The following ZC3H12B variants were observed in gnomAD, a reference collection of about 807,000 sequenced individuals.
ZC3H12B encodes the protein zinc finger CCCH-type containing 12B.
A neutral mutation model predicts 43.9 loss-of-function variants in ZC3H12B; 7 were observed. The observed-to-expected ratio is 0.16, with a 90% CI of 0.09 to 0.30. ZC3H12B has a LOEUF of 0.30. Among genes scored for constraint, ZC3H12B ranks in the 10% least tolerant of loss-of-function variants. The pLI is 1.00. For missense variants in ZC3H12B, 475 were observed against 670.2 expected (o/e 0.71, Z 3.22); for synonymous variants, 222 against 241.7 (o/e 0.92, Z 0.76).
the ZC3H12B span, among the ~76,000 whole-genome samples, chrX:65,278,128 G>A: frequency 1.8e-5 from 2 of 111,712 alleles, no homozygotes; most frequent in Non-Finnish European, 3.8e-5. Context: ...ATACAAAAGA[G>A]TATTGAAGAC....
the ZC3H12B span, among the ~76,000 whole-genome samples, chrX:65,228,547 G>A: frequency 9.0e-6 from 1 of 110,854 alleles, no homozygotes. Context: ...AATTAGGCAG[G>A]AGAAGGAAAT....
intron 1 of ZC3H12B, among the ~76,000 whole-genome samples, chrX:65,367,179 T>C (rs751328026): frequency 7.1e-5 from 8 of 111,986 alleles, no homozygotes; most frequent in Non-Finnish European, 1.5e-4. Flanking sequence ...ATTGCATCTA[T>C]AAATCATTAA....
At chrX:65,325,334 T>A in the ZC3H12B span, among the ~76,000 whole-genome samples, 5 of 111,555 alleles carry the variant, frequency 4.5e-5, no homozygotes, top group African/African-American at 1.6e-4. Context: ...GATGTCATGA[T>A]CTTATGTGGA....
chrX:65,148,243 G>A, the ZC3H12B span, among the ~76,000 whole-genome samples: 1 of 111,224 alleles, frequency 9.0e-6, no homozygotes, highest in Non-Finnish European at 1.9e-5. Flanking sequence ...CTGGCTCTTT[G>A]CTGATCTGAA....
At chrX:65,359,806 G>C in the ZC3H12B span, among the ~76,000 whole-genome samples, 1 of 112,288 alleles carries the variant, frequency 8.9e-6, no homozygotes, top group Non-Finnish European at 1.9e-5. Context: ...GGTGGGGTTT[G>C]AGAACATAGA....
At chrX:65,248,796 G>A in the ZC3H12B span, among the ~76,000 whole-genome samples, 7 of 111,458 alleles carry the variant, frequency 6.3e-5, no homozygotes, top group African/African-American at 9.8e-5. Flanking sequence ...AGGTGGTATC[G>A]CATTGTGGTT....
chrX:65,458,034 T>A (rs1176558991), intron 3 of ZC3H12B, among the ~76,000 whole-genome samples: 1 of 44,619 alleles, frequency 2.2e-5, no homozygotes, highest in East Asian at 7.7e-4. Context: ...CAAATCCCCC[T>A]CTGCGAGAAA....
chrX:65,170,578 C>T, the ZC3H12B span, among the ~76,000 whole-genome samples: 2 of 111,592 alleles, frequency 1.8e-5, no homozygotes, highest in African/African-American at 6.5e-5. Flanking sequence ...TGAATGTTGG[C>T]CTGCCTTTCT....
the ZC3H12B span, among the ~76,000 whole-genome samples, chrX:65,320,565 G>A: frequency 8.9e-6 from 1 of 111,836 alleles, no homozygotes; most frequent in Non-Finnish European, 1.9e-5. Context: ...AATTTGTGTG[G>A]AACCAAAAAA....
the ZC3H12B span, among the ~76,000 whole-genome samples, chrX:65,170,384 A>C: frequency 8.9e-6 from 1 of 111,875 alleles, no homozygotes; most frequent in Admixed American, 9.5e-5. Flanking sequence ...TGGCTTTTAG[A>C]GTTTCTGCCG....
At chrX:65,285,076 T>C in the ZC3H12B span, among the ~76,000 whole-genome samples, 5 of 110,142 alleles carry the variant, frequency 4.5e-5, no homozygotes, top group Admixed American at 4.8e-4. Flanking sequence ...AATAAAATAA[T>C]AGAAGAAAAC....
chrX:65,502,125 C>G (rs781419182), exon 5 of ZC3H12B: 1 of 1,209,375 alleles, frequency 8.3e-7, no homozygotes, highest in Non-Finnish European at 1.1e-6. Context: ...ACAATCCCAC[C>G]CCCCAAAAGC....
At chrX:65,381,311 G>A (rs1346240164) in intron 2 of ZC3H12B, among the ~76,000 whole-genome samples, 1 of 111,170 alleles carries the variant, frequency 9.0e-6, no homozygotes, top group Admixed American at 9.6e-5. Flanking sequence ...ACTCAAAACC[G>A]CTCAACTACA....
chrX:65,428,483 C>A (rs1250950031), intron 3 of ZC3H12B, among the ~76,000 whole-genome samples: 1 of 112,235 alleles, frequency 8.9e-6, no homozygotes, highest in Non-Finnish European at 1.9e-5. Flanking sequence ...TCTTGTCTGC[C>A]TGTTTTATTT....
At chrX:65,159,496 G>T in the ZC3H12B span, among the ~76,000 whole-genome samples, 2 of 111,402 alleles carry the variant, frequency 1.8e-5, no homozygotes, top group Admixed American at 1.9e-4. Context: ...CTTGTAAGTT[G>T]GATTCCTAGG....
chrX:65,149,940 C>T, the ZC3H12B span, among the ~76,000 whole-genome samples: 88 of 109,729 alleles, frequency 8.0e-4, no homozygotes, highest in Non-Finnish European at 3.0e-4. Context: ...AAGTAAAAAT[C>T]AACAGAAAGC....
the ZC3H12B span, among the ~76,000 whole-genome samples, chrX:65,309,715 C>T: frequency 9.0e-6 from 1 of 111,697 alleles, no homozygotes; most frequent in Non-Finnish European, 1.9e-5. Flanking sequence ...GATGAATATC[C>T]CTGATGAATA....
chrX:65,109,200 G>T, the ZC3H12B span, among the ~76,000 whole-genome samples: 1 of 111,468 alleles, frequency 9.0e-6, no homozygotes, highest in Non-Finnish European at 1.9e-5. Flanking sequence ...CCTTTACTGA[G>T]ATATAATTTA....
At chrX:65,069,559 T>G in the ZC3H12B span, among the ~76,000 whole-genome samples, 1 of 111,510 alleles carries the variant, frequency 9.0e-6, no homozygotes, top group Non-Finnish European at 1.9e-5. Context: ...TATCTTTATT[T>G]TCTTTGAGTT....
Sources: gnomAD v4.1 joint callset for allele counts (sites outside exome capture counted in the v4.1 genomes callset) on GRCh38, gnomAD v4.1.1 for gene constraint, MANE v1.5 for transcripts, NCBI Gene and HGNC (gene_info 2026-07-23, HGNC 2026-07-21) for gene names.